TLN2: variants seen among roughly 807,000 people sequenced by gnomAD.
TLN2 encodes the protein talin-2.
In TLN2, 118 loss-of-function variants were observed where a neutral mutation model predicts 294.7. The ratio of observed to expected loss-of-function variants is 0.40; its 90% CI spans 0.34 to 0.47. The LOEUF is 0.47. Among genes scored for constraint, TLN2 ranks in the 20% least tolerant of loss-of-function variants. TLN2 has a pLI of 0.84. For missense variants in TLN2, 3,083 were observed against 3,282.2 expected (o/e 0.94, Z 1.48); for synonymous variants, 1,431 against 1,304.5 (o/e 1.10, Z -2.09).
rs901896566 is a variant in TLN2, at chr15:62,620,655, A to AT, written c.-37+2187dup. 2.2e-4 allele frequency among the ~76,000 whole-genome samples: 33 copies of AT among 151,074 alleles called. 1 individual carries two copies. Among genetic ancestry groups the AT allele is most frequent in the Admixed American group, 2.2e-3 (33 of 15,154 alleles). On this transcript the variant is annotated intron_variant, in intron 3 of 58. Transcript: ENST00000636159. The stretch of plus-strand genomic sequence containing the variant: ...CACCATGCCTGGCTAATTTTGTAAA[A>AT]TTTTTTTGTAGGGATGAGATTTTGC...
In TLN2 at chr15:62,503,711, A is replaced by G. The variant is rs79515367; in HGVS notation, c.-237-85976A>G. 9.2e-3 allele frequency among the ~76,000 whole-genome samples: 1,407 copies of G among 152,244 alleles called. 7 individuals carry two copies. Among genetic ancestry groups the G allele is most frequent in the Non-Finnish European group, 0.014 (945 of 68,032 alleles). ...CTCTTTGCCAGCTTGTGGCCTTTCT[A>G]GAAGGATATTGTCCTGTTGTGAATT... On this transcript the variant is annotated intron_variant, in intron 1 of 58. Coordinates refer to ENST00000636159, the MANE Select transcript of TLN2 (RefSeq NM_015059.3).
At chr15:62,474,448 A>G (rs907104097) in intron 1 of TLN2, among the ~76,000 whole-genome samples, 14 of 152,120 alleles carry the variant, frequency 9.2e-5, no homozygotes, top group African/African-American at 3.1e-4. Context: ...TTTGAGACCA[A>G]CATAGTCAGA....
chr15:62,424,531 C>T (rs2034592021), intron 1 of TLN2, among the ~76,000 whole-genome samples: 1 of 152,210 alleles, frequency 6.6e-6, no homozygotes, highest in Non-Finnish European at 1.5e-5. Context: ...CTAGACCAAG[C>T]GTCTTGCTGC....
chr15:62,543,782 A>G (rs1307813238), intron 1 of TLN2, among the ~76,000 whole-genome samples: 1 of 152,024 alleles, frequency 6.6e-6, no homozygotes, highest in African/African-American at 2.4e-5. Flanking sequence ...TGGAGCTCTA[A>G]TACACGCCTG....
At chr15:62,698,187 T>C (rs1030336987) in intron 15 of TLN2, among the ~76,000 whole-genome samples, 13 of 152,028 alleles carry the variant, frequency 8.6e-5, no homozygotes, top group African/African-American at 3.1e-4. Context: ...GTCGACCAGG[T>C]TTTTAGTGAT....
Position 62,739,409 on chromosome 15 carries a change from A to C in TLN2, c.3749A>C (p.Asp1250Ala). ...AQSELNQAAA[D>A]LNQSAGEVVH... ...AGTGAACTGAACCAGGCAGCAGCTG[A>C]TCTGAACCAGTCTGCTGGGGAAGTG... Residue 1250 changes from aspartate to alanine, a missense_variant, in exon 31 of 59, where the codon GAT becomes GCT. Transcript: ENST00000636159. 6.2e-7 allele frequency: 1 copy of C among 1,614,180 alleles called. No homozygotes were observed. Among genetic ancestry groups the C allele is most frequent in the Non-Finnish European group, 8.5e-7 (1 of 1,180,030 alleles).
intron 9 of TLN2, among the ~76,000 whole-genome samples, chr15:62,658,883 G>A (rs1299658048): frequency 6.6e-6 from 1 of 152,192 alleles, no homozygotes; most frequent in African/African-American, 2.4e-5. Context: ...TATGGCCACG[G>A]ATATTGAGGA....
chr15:62,550,636 T>TG (rs967449197), intron 1 of TLN2, among the ~76,000 whole-genome samples: 3 of 152,132 alleles, frequency 2.0e-5, no homozygotes, highest in Admixed American at 6.6e-5. Flanking sequence ...TAAGGATATT[T>TG]GGGGGGTCAC....
intron 1 of TLN2, among the ~76,000 whole-genome samples, chr15:62,422,070 G>A (rs1180052011): frequency 6.6e-6 from 1 of 151,866 alleles, no homozygotes; most frequent in Non-Finnish European, 1.5e-5. Flanking sequence ...AGACCAGCCT[G>A]ACTAACATGG....
intron 11 of TLN2, 80 bp downstream of exon 11, chr15:62,675,401 G>C (rs1190063378): frequency 6.9e-7 from 1 of 1,439,702 alleles, no homozygotes; most frequent in Non-Finnish European, 9.6e-7. Flanking sequence ...GTTAAGCCTG[G>C]TTTGTCCTGC....
At chr15:62,745,662 G>C (rs1325994482) in intron 32 of TLN2, among the ~76,000 whole-genome samples, 1 of 152,044 alleles carries the variant, frequency 6.6e-6, no homozygotes, top group Non-Finnish European at 1.5e-5. Context: ...GACTTTTAAT[G>C]GGTCCCCAGG....
intron 18 of TLN2, among the ~76,000 whole-genome samples, chr15:62,702,480 G>A (rs2058776065): frequency 6.6e-6 from 1 of 152,192 alleles, no homozygotes; most frequent in Admixed American, 6.5e-5. Flanking sequence ...GGGAATAGAA[G>A]TTTGCACCCT....
rs2070641089 is a variant in TLN2 at position 62,841,104 on chromosome 15, G to A, written c.*494G>A. 1 of 152,940 alleles carries A rather than the reference G, an allele frequency of 6.5e-6. No homozygotes were observed. Among genetic ancestry groups the A allele is most frequent in the South Asian group, 2.1e-4 (1 of 4,842 alleles). The allele number at this position is 152,940 out of a possible 1,614,324, so 9.5% of individuals were successfully genotyped here. A position where few individuals can be genotyped will look rare whatever the true frequency, so the allele number is the denominator to read the frequency against. ...ACAAACCCGTGTGGACTCCGGGAGG[G>A]TGACTCAGGTCCTCCTTCCATGTCT... is the stretch of plus-strand genomic sequence containing the variant. On this transcript the variant is annotated 3_prime_UTR_variant, in exon 59 of 59. Coordinates refer to ENST00000636159, the MANE Select transcript of TLN2 (RefSeq NM_015059.3).
chr15:62,744,345 T>C (rs2061494841), intron 32 of TLN2, among the ~76,000 whole-genome samples: 1 of 152,092 alleles, frequency 6.6e-6, no homozygotes, highest in African/African-American at 2.4e-5. Context: ...CCTTTTCCAT[T>C]AGATTGCAAA....
At chr15:62,713,897 C>T (rs1595758047) in intron 22 of TLN2, among the ~76,000 whole-genome samples, 2 of 119,066 alleles carry the variant, frequency 1.7e-5, no homozygotes, top group African/African-American at 5.4e-5. Context: ...TTCTTTAAGC[C>T]ATATATATAT....
chr15:62,719,908 C>T, intron 25 of TLN2, 28 bp downstream of exon 25: 2 of 1,546,874 alleles, frequency 1.3e-6, no homozygotes, highest in South Asian at 2.4e-5. Flanking sequence ...ACCTTGGGCT[C>T]ACTCAGAGCC....
At chr15:62,421,124 G>T (rs1187472520) in intron 1 of TLN2, among the ~76,000 whole-genome samples, 1 of 152,170 alleles carries the variant, frequency 6.6e-6, no homozygotes, top group Non-Finnish European at 1.5e-5. Flanking sequence ...TCTGTAACCA[G>T]TTATAGAGAT....
intron 1 of TLN2, among the ~76,000 whole-genome samples, chr15:62,431,407 TTGAC>T (rs1362273398): frequency 3.9e-5 from 6 of 152,354 alleles, no homozygotes; most frequent in Middle Eastern, 3.4e-3. Context: ...GGAATATAAT[TTGAC>T]TGTGCACTGA....
At chr15:62,597,331 T>G (rs1409850244) in intron 2 of TLN2, among the ~76,000 whole-genome samples, 1 of 152,196 alleles carries the variant, frequency 6.6e-6, no homozygotes, top group African/African-American at 2.4e-5. Flanking sequence ...TCTATTATGA[T>G]TAAGTAGATG....
Sources: allele counts gnomAD v4.1 joint callset (sites outside exome capture counted in the v4.1 genomes callset), GRCh38; gene constraint gnomAD v4.1.1; transcripts MANE v1.5; gene names NCBI Gene and HGNC (gene_info 2026-07-23, HGNC 2026-07-21).